Variants in SEPTIN11 observed in about 807,000 individuals in gnomAD.
SEPTIN11 encodes septin-11.
In SEPTIN11, 25 loss-of-function variants were observed where a neutral mutation model predicts 51.4. The ratio of observed to expected loss-of-function variants is 0.49; its 90% CI spans 0.35 to 0.68. SEPTIN11 has a LOEUF of 0.68. Ranked by LOEUF, SEPTIN11 falls within the 30% of genes least tolerant of loss-of-function variation. SEPTIN11 has a pLI of 0.00. For missense variants in SEPTIN11, 381 were observed against 520.8 expected (o/e 0.73, Z 2.61); for synonymous variants, 174 against 184.1 (o/e 0.95, Z 0.44).
At chr4:77,034,130 T>C (rs547543341) in intron 9 of SEPTIN11, among the ~76,000 whole-genome samples, 6 of 152,232 alleles carry the variant, frequency 3.9e-5, no homozygotes, top group Non-Finnish European at 8.8e-5. Flanking sequence ...AAGTGGAAAA[T>C]GAAGCTCCTA....
In SEPTIN11 at chr4:76,996,533, T is replaced by C. The variant is rs1385299687; in HGVS notation, c.136T>C (p.Cys46Arg). 6.2e-7 allele frequency: 1 copy of C among 1,611,350 alleles called. No individual in the cohort carries two copies. Among genetic ancestry groups the C allele is most frequent in the Non-Finnish European group, 8.5e-7 (1 of 1,177,576 alleles). ...TCAAGGATTCTGTTTCAACATCCTT[T>C]GTGTTGGTAAGTTATTCATCACCCC... ...TSQGFCFNIL[C>R]VGETGIGKST... Residue 46 changes from cysteine to arginine, a missense_variant, in exon 2 of 10, where the codon TGT becomes CGT. Around this residue, in one of 2 missense-constraint regions of SEPTIN11, gnomAD observed 184 missense variants for 207.7 expected, o/e 0.89. Coordinates refer to ENST00000264893, the MANE Select transcript of SEPTIN11 (RefSeq NM_018243.4).
chr4:77,005,677 C>T lies in SEPTIN11; in HGVS notation c.219C>T (p.His73=), dbSNP rs1389918228. The change falls in exon 3 of 10, where the codon CAC becomes CAT. Residue 73 remains histidine (H), a synonymous_variant. Coordinates refer to ENST00000264893, the MANE Select transcript of SEPTIN11 (RefSeq NM_018243.4). ...AATTTGAAAGTGACCCAGCTACTCA[C>T]AATGAACCAGGTGTTCGGTTAAAAG... is the stretch of plus-strand genomic sequence containing the variant. ...NTKFESDPAT[H]NEPGVRLKAR... is the part of the protein sequence containing the mutation. 1.2e-6 allele frequency: 2 copies of T among 1,614,050 alleles called. No individual in the cohort carries two copies. Among genetic ancestry groups the T allele is most frequent in the East Asian group, 2.2e-5 (1 of 44,870 alleles).
intron 2 of SEPTIN11, among the ~76,000 whole-genome samples, chr4:77,003,336 G>A (rs1330448276): frequency 6.6e-6 from 1 of 152,164 alleles, no homozygotes; most frequent in African/African-American, 2.4e-5. Context: ...GCTTATAAGA[G>A]GAAAGCGGTT....
intron 1 of SEPTIN11, among the ~76,000 whole-genome samples, chr4:76,950,704 C>A (rs1184579163): frequency 1.3e-5 from 2 of 152,170 alleles, no homozygotes; most frequent in African/African-American, 4.8e-5. Flanking sequence ...AGTGTGTGGG[C>A]CAAGGCGCCG....
In SEPTIN11 at chr4:77,038,280, T is replaced by C. The variant is rs565365353; in HGVS notation, c.*3768T>C. The C allele has an allele frequency of 1.0e-6, 1 of 985,648 alleles. No individual in the cohort carries two copies. The highest frequency in any genetic ancestry group is 4.7e-5 in the South Asian group (1 of 21,290). 61.1% of individuals were successfully genotyped at this position (985,648 alleles called of 1,614,324 possible). On this transcript the variant is annotated 3_prime_UTR_variant, in exon 10 of 10. Transcript: ENST00000264893. Reference sequence around the variant, plus strand: ...TTGTCTATTTCTTAATTTTAAAATATGCTGATATGCCTTAAACTGTAGTTG... The same window carrying C: ...TTGTCTATTTCTTAATTTTAAAATACGCTGATATGCCTTAAACTGTAGTTG...
At chr4:76,983,762 C>G (rs1722889564) in intron 1 of SEPTIN11, among the ~76,000 whole-genome samples, 1 of 152,188 alleles carries the variant, frequency 6.6e-6, no homozygotes, top group Admixed American at 6.5e-5. Context: ...GTAATCCCAG[C>G]ACTTTGGGAG....
intron 7 of SEPTIN11, among the ~76,000 whole-genome samples, chr4:77,027,523 C>T (rs770905783): frequency 6.6e-5 from 10 of 152,188 alleles, no homozygotes; most frequent in Non-Finnish European, 1.5e-4. Flanking sequence ...ACCTGAATTT[C>T]CTTTTTCTTC....
At chr4:77,013,798 G>A (rs957299937) in intron 4 of SEPTIN11, among the ~76,000 whole-genome samples, 3 of 152,176 alleles carry the variant, frequency 2.0e-5, no homozygotes, top group Non-Finnish European at 4.4e-5. Context: ...AACACCTCCC[G>A]AAAGACTCTC....
intron 1 of SEPTIN11, chr4:76,987,909 A>C: frequency 1.3e-6 from 1 of 761,728 alleles, no homozygotes; most frequent in Non-Finnish European, 1.6e-6. Context: ...GTATTCTGTA[A>C]GGAGAAAAGA....
chr4:77,005,843 A>G, intron 3 of SEPTIN11, 47 bp downstream of exon 3: 1 of 1,541,248 alleles, frequency 6.5e-7, no homozygotes, highest in Non-Finnish European at 8.9e-7. Flanking sequence ...AGGAGATAGC[A>G]GGATCCATCC....
rs1047136327 is a variant in SEPTIN11, at chr4:77,024,013, C to T, written c.953+3343C>T. Reference sequence around the variant, plus strand: ...TGAAGTTCATCCTTCCCAGTGAGCACCCTCGTTCACCTTTTGTCCTCTGGG... The same window carrying T: ...TGAAGTTCATCCTTCCCAGTGAGCATCCTCGTTCACCTTTTGTCCTCTGGG... On this transcript the variant is annotated intron_variant, in intron 7 of 9. Transcript: ENST00000264893. This position sits in a 1 kb window ranked among gnomAD's most constrained non-coding sequence, Gnocchi z 4.2. 6.6e-6 allele frequency among the ~76,000 whole-genome samples: 1 copy of T among 152,148 alleles called. No individual in the cohort carries two copies. Among genetic ancestry groups the T allele is most frequent in the Non-Finnish European group, 1.5e-5 (1 of 68,024 alleles).
chr4:77,012,491 C>T (rs191550790), intron 4 of SEPTIN11, among the ~76,000 whole-genome samples: 37 of 152,238 alleles, frequency 2.4e-4, no homozygotes, highest in Admixed American at 1.2e-3. Context: ...ATTAGACTTT[C>T]CATTTTGAAA....
chr4:76,973,314 C>T (rs1722331974), intron 1 of SEPTIN11, among the ~76,000 whole-genome samples: 1 of 152,212 alleles, frequency 6.6e-6, no homozygotes, highest in Non-Finnish European at 1.5e-5. Flanking sequence ...CAGCCTTGTT[C>T]CACAGCATCC....
rs192331078 is a variant in SEPTIN11 at position 77,025,397 on chromosome 4, T to C, written c.954-3232T>C. Among the ~76,000 whole-genome samples the C allele has an allele frequency of 1.1e-4, 17 of 152,132 alleles. 1 individual carries two copies. In the East Asian group the frequency reaches 3.3e-3, roughly 29 times the overall value. On this transcript the variant is annotated intron_variant, in intron 7 of 9. Transcript: ENST00000264893. Reference sequence around the variant, plus strand: ...ACAAAAAATTTTAAAAAAAATTAGCTGGGCATGGTGGCACATGCTTGTGTT... The same window carrying C: ...ACAAAAAATTTTAAAAAAAATTAGCCGGGCATGGTGGCACATGCTTGTGTT...
rs1727067976 is a variant in SEPTIN11, at chr4:77,036,890, A to G, written c.*2378A>G. 7.1e-7 allele frequency: 1 copy of G among 1,400,308 alleles called. No individual in the cohort carries two copies. The highest frequency in any genetic ancestry group is 1.5e-5 in the African/African-American group (1 of 66,690). The allele number at this position is 1,400,308 out of a possible 1,614,324, so 86.7% of individuals were successfully genotyped here. The stretch of plus-strand genomic sequence containing the variant: ...GATCTTTCTGACTTTTCAAAATTAG[A>G]GAAAGCAAATGGGATGGATAGATTT... On this transcript the variant is annotated 3_prime_UTR_variant, in exon 10 of 10. Transcript: ENST00000264893.
chr4:76,991,729 T>C (rs1463038272), intron 1 of SEPTIN11, among the ~76,000 whole-genome samples: 1 of 152,204 alleles, frequency 6.6e-6, no homozygotes. Context: ...GCCATGGTAT[T>C]GATGACTTTT....
In SEPTIN11 at chr4:76,984,868, C is replaced by G. The variant is rs1722943622; in HGVS notation, c.28-11557C>G. Among the ~76,000 whole-genome samples, 1 of 152,254 alleles carries G rather than the reference C, an allele frequency of 6.6e-6. No homozygotes were observed. Among genetic ancestry groups the G allele is most frequent in the Non-Finnish European group, 1.5e-5 (1 of 68,054 alleles). On this transcript the variant is annotated intron_variant, in intron 1 of 9. Transcript: ENST00000264893. The surrounding 1 kb of genome is among the most constrained non-coding windows in gnomAD (Gnocchi z 4.1). ...GAAATGGTTTATGACCTCTTCCCCACTTCCCCGCTTGCTTTGCTCATTAGT... is the reference window on the plus strand; with the variant it reads ...GAAATGGTTTATGACCTCTTCCCCAGTTCCCCGCTTGCTTTGCTCATTAGT...
intron 4 of SEPTIN11, among the ~76,000 whole-genome samples, chr4:77,014,296 T>C (rs1181574255): frequency 6.6e-6 from 1 of 152,178 alleles, no homozygotes; most frequent in Admixed American, 6.5e-5. Flanking sequence ...TTTCAGGTCA[T>C]CAGAAGAAAG....
chr4:77,016,657 C>CACATATATAT (rs1725327548), intron 5 of SEPTIN11, among the ~76,000 whole-genome samples: 1 of 79,218 alleles, frequency 1.3e-5, no homozygotes, highest in Non-Finnish European at 2.4e-5. Flanking sequence ...TATATATATA[C>CACATATATAT]ACATATATAT....
Sources: allele counts gnomAD v4.1 joint callset (sites outside exome capture counted in the v4.1 genomes callset), GRCh38; gene constraint gnomAD v4.1.1; regional missense constraint gnomAD v4.1.1; non-coding constraint Gnocchi (gnomAD v3.1); transcripts MANE v1.5; gene names NCBI Gene and HGNC (gene_info 2026-07-23, HGNC 2026-07-21).